Variants in FLVCR1 observed in about 807,000 individuals in gnomAD.
FLVCR1 encodes the protein choline/ethanolamine transporter FLVCR1.
In FLVCR1, 34 loss-of-function variants were observed where a neutral mutation model predicts 53.6. The ratio of observed to expected loss-of-function variants is 0.63; its 90% confidence interval spans 0.48 to 0.84. FLVCR1 has a LOEUF of 0.84. Among genes scored for constraint, FLVCR1 ranks in the 40% least tolerant of loss-of-function variants. The pLI is 0.00. For synonymous variants in FLVCR1, 300 were observed against 286.3 expected, an observed-to-expected ratio of 1.05 and a Z score of -0.48; for missense variants, 677 against 696.7, an observed-to-expected ratio of 0.97 and a Z score of 0.32.
At chr1:212,875,340 T>C (rs1255516701) in intron 3 of FLVCR1, among the ~76,000 whole-genome samples, 8 of 152,166 alleles carry the variant, frequency 5.3e-5, no homozygotes, top group Non-Finnish European at 1.5e-5. Flanking sequence ...TTGAGGCCTA[T>C]CATTGAGAAA....
chr1:212,896,886 A>AAAAG lies in FLVCR1; in HGVS notation c.*1598_*1599insAGAA, dbSNP rs1665350908. 7.3e-6 allele frequency: 1 copy of AAAAG among 136,304 alleles called. No individual in the cohort carries two copies. Among genetic ancestry groups the AAAAG allele is most frequent in the African/African-American group, 2.9e-5 (1 of 34,022 alleles). The allele number at this position is 136,304 out of a possible 1,614,324, so 8.4% of individuals were successfully genotyped here. The stretch of plus-strand genomic sequence containing the variant: ...AAAAAAAAAAAAAAAAAAAAAAAAA[A>AAAAG]AAGGCCAGGCGCAGTGCTGTGGCTC... On this transcript the variant is annotated 3_prime_UTR_variant, in exon 10 of 10. Transcript: ENST00000366971.
chr1:212,897,182 TA>T lies in FLVCR1; in HGVS notation c.*1895del, dbSNP rs930702664. On this transcript the variant is annotated 3_prime_UTR_variant, in exon 10 of 10. Transcript: ENST00000366971. ...AGACTGTCTCAAATAAATAAATAAA[TA>T]AATAAATAAATAAATAAATAAATAA... The T allele has an allele frequency of 1.1e-4, 2 of 17,414 alleles. No homozygotes were observed. The highest frequency in any genetic ancestry group is 4.6e-4 in the Non-Finnish European group (2 of 4,362). 1.1% of individuals were successfully genotyped at this position (17,414 alleles called of 1,614,324 possible).
chr1:212,858,549 A>C lies in FLVCR1; in HGVS notation c.97A>C (p.Lys33Gln). ...GTTGCCGAGGGGCGCGCCCGTTGGG[A>C]AGGAGAGCGTGGAGCTGCAGAACGG... ...LPLPRGAPVGKESVELQNGPK... is the reference protein window; with the variant it reads ...LPLPRGAPVGQESVELQNGPK... Residue 33 changes from lysine (K) to glutamine (Q), a missense_variant, in exon 1 of 10, where the codon AAG becomes CAG. Transcript: ENST00000366971. 2 of 1,468,822 alleles carry C rather than the reference A, an allele frequency of 1.4e-6. No individual in the cohort carries two copies. The highest frequency in any genetic ancestry group is 1.8e-6 in the Non-Finnish European group (2 of 1,111,442). The allele number at this position is 1,468,822 out of a possible 1,614,324, so 91.0% of individuals were successfully genotyped here.
chr1:212,888,237 C>CT (rs1239260292), intron 6 of FLVCR1, among the ~76,000 whole-genome samples: 14 of 152,088 alleles, frequency 9.2e-5, no homozygotes, highest in Admixed American at 2.6e-4. Flanking sequence ...ATCTGTGTAA[C>CT]TTTATTTGGT....
chr1:212,860,634 CAT>C (rs924966775), intron 1 of FLVCR1, among the ~76,000 whole-genome samples: 7 of 152,106 alleles, frequency 4.6e-5, no homozygotes, highest in African/African-American at 1.7e-4. Context: ...ATCCCTGTCT[CAT>C]ATGTTATTGT....
intron 2 of FLVCR1, among the ~76,000 whole-genome samples, chr1:212,865,922 T>C (rs1220947688): frequency 1.4e-5 from 1 of 73,586 alleles, no homozygotes; most frequent in Non-Finnish European, 3.7e-5. Context: ...TTCAAGCAGT[T>C]CTCGTGCCTC....
At chr1:212,893,071 GGGGT>G (rs1403493660) in intron 8 of FLVCR1, among the ~76,000 whole-genome samples, 2 of 148,196 alleles carry the variant, frequency 1.3e-5, no homozygotes, top group African/African-American at 2.5e-5. Context: ...TTTTTGGGGG[GGGGT>G]GCCGGAATGT....
chr1:212,872,847 T>C, intron 3 of FLVCR1, 29 bp downstream of exon 3: 1 of 1,612,444 alleles, frequency 6.2e-7, no homozygotes, highest in Non-Finnish European at 8.5e-7. Flanking sequence ...CTTTCTTTAA[T>C]GTCTGTGTGA....
chr1:212,896,130 C>T lies in FLVCR1; in HGVS notation c.*840C>T, dbSNP rs1054997814. 3 of 142,672 alleles carry T rather than the reference C, an allele frequency of 2.1e-5. No individual in the cohort carries two copies. Among genetic ancestry groups the T allele is most frequent in the African/African-American group, 5.6e-5 (2 of 35,590 alleles). The allele number at this position is 142,672 out of a possible 1,614,324, so 8.8% of individuals were successfully genotyped here. On this transcript the variant is annotated 3_prime_UTR_variant, in exon 10 of 10. Transcript: ENST00000366971. ...CATTGCCTTTTTTTTCTTTTAAACT[C>T]TCTTTTTTTTTTTTTCCTGATGTGT...
At position 212,859,143 on chromosome 1, in the gene FLVCR1, C is replaced by G; in HGVS notation, c.691C>G (p.Pro231Ala). ...CCGCATCGCCTCAGTGTGGTTTGGG[C>G]CCAAAGAGGTGTCCACAGCTTGTGC... Reference protein sequence around the residue: ...PSRIASVWFGPKEVSTACATA... With the variant: ...PSRIASVWFGAKEVSTACATA... Residue 231 changes from proline (P) to alanine (A), a missense_variant, in exon 1 of 10, where the codon CCC becomes GCC. Transcript: ENST00000366971. 6.2e-7 allele frequency: 1 copy of G among 1,613,950 alleles called. No homozygotes were observed. The highest frequency in any genetic ancestry group is 1.3e-5 in the African/African-American group (1 of 75,018).
At chr1:212,872,931 A>G in intron 3 of FLVCR1, 113 bp downstream of exon 3, 1 of 1,053,174 alleles carries the variant, frequency 9.5e-7, no homozygotes, top group East Asian at 2.4e-5. Flanking sequence ...TGTTAACTCT[A>G]CAGCATAATC....
At chr1:212,892,672 C>T (rs976987570) in intron 8 of FLVCR1, among the ~76,000 whole-genome samples, 3 of 152,128 alleles carry the variant, frequency 2.0e-5, no homozygotes, top group Non-Finnish European at 2.9e-5. Flanking sequence ...TTCTGCAGCC[C>T]GTGGATCAAG....
At chr1:212,862,699 T>C (rs1664281912) in intron 1 of FLVCR1, among the ~76,000 whole-genome samples, 1 of 152,234 alleles carries the variant, frequency 6.6e-6, no homozygotes, top group African/African-American at 2.4e-5. Context: ...GACATATACC[T>C]AGGAGTAGAA....
chr1:212,865,406 T>C (rs1664382147), intron 2 of FLVCR1, among the ~76,000 whole-genome samples: 1 of 152,034 alleles, frequency 6.6e-6, no homozygotes, highest in Admixed American at 6.6e-5. Context: ...TAAGTCTGCT[T>C]TTCTGGTAGC....
At chr1:212,887,218 T>G (rs973404350) in intron 5 of FLVCR1, among the ~76,000 whole-genome samples, 14 of 152,204 alleles carry the variant, frequency 9.2e-5, no homozygotes, top group African/African-American at 3.4e-4. Flanking sequence ...GATATATAGA[T>G]GAAGGGAGCA....
intron 2 of FLVCR1, among the ~76,000 whole-genome samples, chr1:212,868,941 G>A (rs1664523576): frequency 6.6e-6 from 1 of 152,138 alleles, no homozygotes. Flanking sequence ...TGAGAGACAG[G>A]AGTTTACTTC....
At chr1:212,868,735 A>G (rs1310829832) in intron 2 of FLVCR1, among the ~76,000 whole-genome samples, 1 of 152,232 alleles carries the variant, frequency 6.6e-6, no homozygotes. Context: ...ACAGAAATAC[A>G]TTTAACTTAG....
At position 212,889,179 on chromosome 1, in the gene FLVCR1, A is replaced by G; in HGVS notation, c.1447A>G (p.Lys483Glu). ...AATTTTGTTCACATTGGCTCAAGGA[A>G]AGCTCACATCAGACTATGGTCCTAA... ...FGILFTLAQGKLTSDYGPKAG... is the reference protein window; with the variant it reads ...FGILFTLAQGELTSDYGPKAG... The change falls in exon 8 of 10, where the codon AAG becomes GAG. Residue 483 changes from lysine to glutamate, a missense_variant. Transcript: ENST00000366971. The G allele has an allele frequency of 6.2e-7, 1 of 1,613,698 alleles. No homozygotes were observed.
chr1:212,873,543 C>T (rs1664666910), intron 3 of FLVCR1, among the ~76,000 whole-genome samples: 2 of 152,216 alleles, frequency 1.3e-5, no homozygotes, highest in Admixed American at 1.3e-4. Flanking sequence ...CCAGTTCTGA[C>T]ATCTAAGAAA....
Sources: gnomAD v4.1 joint callset for allele counts (sites outside exome capture counted in the v4.1 genomes callset) on GRCh38, gnomAD v4.1.1 for gene constraint, MANE v1.5 for transcripts, NCBI Gene and HGNC (gene_info 2026-07-23, HGNC 2026-07-21) for gene names.